Variants in UBE2W observed in about 807,000 individuals in gnomAD.
The protein encoded by UBE2W is ubiquitin-conjugating enzyme E2 W.
A neutral mutation model predicts 27.2 loss-of-function variants in UBE2W; 18 were observed. The ratio of observed to expected loss-of-function variants is 0.66; its 90% CI spans 0.46 to 0.98. The LOEUF (loss-of-function observed/expected upper bound fraction) is 0.98, where lower values mean the gene tolerates loss of function less well. UBE2W is among the 50% of genes least tolerant of loss of function. The pLI, the probability that UBE2W is intolerant of heterozygous loss-of-function variation, is 0.00. For synonymous variants in UBE2W, 53 were observed against 57.2 expected, an observed-to-expected ratio of 0.93 and a Z score of 0.33; for missense variants, 90 against 180.2, an observed-to-expected ratio of 0.50 and a Z score of 2.87.
intron 1 of UBE2W, among the ~76,000 whole-genome samples, chr8:73,842,291 G>T (rs904330640): frequency 6.6e-6 from 1 of 151,982 alleles, no homozygotes; most frequent in Non-Finnish European, 1.5e-5. Flanking sequence ...CACTCTGGGA[G>T]GCCGAGGCGG....
chr8:73,817,804 C>A (rs1427077669), intron 3 of UBE2W, among the ~76,000 whole-genome samples: 2 of 152,186 alleles, frequency 1.3e-5, no homozygotes, highest in African/African-American at 4.8e-5. Context: ...TGAGCCACCA[C>A]GCCCAGTTGT....
chr8:73,805,472 C>CAAAAAAAAAAAAAAAAAA lies in UBE2W; in HGVS notation c.442+178_442+179insTTTTTTTTTTTTTTTTTT. On this transcript the variant is annotated intron_variant, in intron 5 of 5. Coordinates refer to ENST00000602593, the MANE Select transcript of UBE2W (RefSeq NM_018299.6). The stretch of plus-strand genomic sequence containing the variant: ...TCCATCTCAAAAAAAAAAAAAAAAA[C>CAAAAAAAAAAAAAAAAAA]AAAAAAAACTAGGGTAATTCATCCA... 8.0e-4 allele frequency among the ~76,000 whole-genome samples: 35 copies of CAAAAAAAAAAAAAAAAAA among 43,690 alleles called. 6 individuals carry two copies. The highest frequency in any genetic ancestry group is 6.6e-3 in the East Asian group (6 of 908). The allele number at this position is 43,690 out of a possible 152,430, so 28.7% of individuals were successfully genotyped here.
At chr8:73,834,935 CCAA>C (rs1392533468) in intron 1 of UBE2W, among the ~76,000 whole-genome samples, 4 of 151,870 alleles carry the variant, frequency 2.6e-5, no homozygotes, top group East Asian at 1.9e-4. Context: ...CAAAAAACTC[CCAA>C]CAACAACAAA....
chr8:73,800,713 G>A (rs1436934620), intron 5 of UBE2W, among the ~76,000 whole-genome samples: 4 of 152,174 alleles, frequency 2.6e-5, no homozygotes, highest in African/African-American at 7.2e-5. Context: ...GAGATTACGT[G>A]TCTCCAAACT....
chr8:73,781,786 C>G (rs1236404990), downstream of UBE2W, among the ~76,000 whole-genome samples: 1 of 151,912 alleles, frequency 6.6e-6, no homozygotes, highest in Non-Finnish European at 1.5e-5. Context: ...ACCATGTTGC[C>G]CAGGCTAGAC....
rs1336163713 is a variant in UBE2W at position 73,853,968 on chromosome 8, G to GT, written c.16-23497dup. On this transcript the variant is annotated intron_variant, in intron 1 of 5. Transcript: ENST00000602593. ...GTTCAAGGCCATCCAGGGCAACATAGTAAGACCCCCATCTTTACAAAAAAT... is the reference window on the plus strand; with the variant it reads ...GTTCAAGGCCATCCAGGGCAACATAGTTAAGACCCCCATCTTTACAAAAAAT... 2.0e-5 allele frequency among the ~76,000 whole-genome samples: 3 copies of GT among 152,034 alleles called. No homozygotes were observed. In the East Asian group the frequency reaches 5.8e-4, roughly 29 times the overall value.
At chr8:73,794,151 C>G in intron 5 of UBE2W, 36 bp from the exon 6 acceptor site, 1 of 1,606,054 alleles carries the variant, frequency 6.2e-7, no homozygotes, top group African/African-American at 1.3e-5. Context: ...ATTAAAAAGT[C>G]AAGCATGTAT....
rs1808300682 is a variant in UBE2W, at chr8:73,793,818, T to C, written c.*284A>G. On this transcript the variant is annotated 3_prime_UTR_variant, in exon 6 of 6. Transcript: ENST00000602593. Reference sequence around the variant, plus strand: ...CACAATACATGAGGACCTGGAGCTTTTCCAAAAGCTTAAAAAAATAAAAAT... The same window carrying C: ...CACAATACATGAGGACCTGGAGCTTCTCCAAAAGCTTAAAAAAATAAAAAT... The C allele has an allele frequency of 1.5e-5, 17 of 1,140,694 alleles. No homozygotes were observed. The highest frequency in any genetic ancestry group is 1.8e-5 in the Non-Finnish European group (17 of 927,844). The allele number at this position is 1,140,694 out of a possible 1,614,324, so 70.7% of individuals were successfully genotyped here.
intron 1 of UBE2W, among the ~76,000 whole-genome samples, chr8:73,870,971 C>T (rs1280881242): frequency 6.6e-6 from 1 of 151,856 alleles, no homozygotes; most frequent in Admixed American, 6.6e-5. Flanking sequence ...GTTAAGACCT[C>T]CTAGGCTATA....
chr8:73,789,154 AT>A lies in UBE2W; in HGVS notation c.*4947del. ...TAGATTCTATGTGCCTCTAATGATA[AT>A]GATGTACATAAACCTGTCTTAAATC... On this transcript the variant is annotated 3_prime_UTR_variant, in exon 6 of 6. Coordinates refer to ENST00000602593, the MANE Select transcript of UBE2W (RefSeq NM_018299.6). 1 of 985,006 alleles carries A rather than the reference AT, an allele frequency of 1.0e-6. No homozygotes were observed. The highest frequency in any genetic ancestry group is 1.2e-6 in the Non-Finnish European group (1 of 829,834). The allele number at this position is 985,006 out of a possible 1,614,324, so 61.0% of individuals were successfully genotyped here.
intron 5 of UBE2W, among the ~76,000 whole-genome samples, chr8:73,803,272 T>A (rs971462021): frequency 7.2e-5 from 11 of 152,152 alleles, no homozygotes; most frequent in Non-Finnish European, 1.6e-4. Flanking sequence ...AAATATTTTA[T>A]GCAGTGAAAA....
chr8:73,786,110 G>T, downstream of UBE2W: 1 of 677,910 alleles, frequency 1.5e-6, no homozygotes, highest in Non-Finnish European at 1.8e-6. Flanking sequence ...TTACCTTTAT[G>T]ATTTTATGGT....
At chr8:73,852,082 A>G (rs927994701) in intron 1 of UBE2W, among the ~76,000 whole-genome samples, 4 of 151,960 alleles carry the variant, frequency 2.6e-5, no homozygotes, top group Non-Finnish European at 1.5e-5. Flanking sequence ...AAAGAGGAGC[A>G]ATACAGATAG....
At position 73,792,808 on chromosome 8, in the gene UBE2W, A is replaced by G. The variant is rs1253118769; in HGVS notation, c.*1294T>C. On this transcript the variant is annotated 3_prime_UTR_variant, in exon 6 of 6. Transcript: ENST00000602593. ...TTCAACAATTTTTTTTTTCTATAGA[A>G]AGTTTCATCTAGCTGTAAGCAAAGT... The G allele has an allele frequency of 4.1e-6, 4 of 985,474 alleles. No individual in the cohort carries two copies. The highest frequency in any genetic ancestry group is 4.8e-6 in the Non-Finnish European group (4 of 829,828). 61.0% of individuals were successfully genotyped at this position (985,474 alleles called of 1,614,324 possible).
At chr8:73,813,083 CAAAA>C (rs56094830) in intron 3 of UBE2W, among the ~76,000 whole-genome samples, 6 of 43,460 alleles carry the variant, frequency 1.4e-4, no homozygotes, top group African/African-American at 1.7e-4. Context: ...GAAAGTGCCA[CAAAA>C]AAAAAAAAAA....
intron 5 of UBE2W, among the ~76,000 whole-genome samples, chr8:73,794,906 T>TTA (rs1299939685): frequency 6.9e-6 from 1 of 144,112 alleles, no homozygotes; most frequent in Non-Finnish European, 1.5e-5. Flanking sequence ...TCAGCAAGTA[T>TTA]AGATACATAT....
chr8:73,854,453 A>G (rs1333058915), intron 1 of UBE2W, among the ~76,000 whole-genome samples: 1 of 152,190 alleles, frequency 6.6e-6, no homozygotes, highest in Non-Finnish European at 1.5e-5. Flanking sequence ...AAAGGAATAA[A>G]CATCTGGTGA....
At chr8:73,833,017 A>G (rs1490093558) in intron 1 of UBE2W, among the ~76,000 whole-genome samples, 1 of 151,946 alleles carries the variant, frequency 6.6e-6, no homozygotes, top group Non-Finnish European at 1.5e-5. Context: ...GTGAAACCCT[A>G]CTAAAAATAC....
intron 4 of UBE2W, 40 bp downstream of exon 4, chr8:73,810,434 A>C: frequency 6.4e-7 from 1 of 1,557,826 alleles, no homozygotes; most frequent in Non-Finnish European, 8.7e-7. Context: ...ACCTAACTGA[A>C]AGAAGAGATA....
Sources: allele counts gnomAD v4.1 joint callset (sites outside exome capture counted in the v4.1 genomes callset), GRCh38; gene constraint gnomAD v4.1.1; transcripts MANE v1.5; gene names NCBI Gene and HGNC (gene_info 2026-07-23, HGNC 2026-07-21).